Variants in TRIM2 observed in about 807,000 individuals in gnomAD.
TRIM2 encodes tripartite motif-containing protein 2.
TRIM2 carries 20 observed loss-of-function variants against 75.2 expected under a neutral mutation model. The ratio of observed to expected loss-of-function variants is 0.27; its 90% confidence interval spans 0.19 to 0.39. TRIM2 has a LOEUF of 0.39. TRIM2 is among the 10% of genes least tolerant of loss of function. The pLI is 1.00. For synonymous variants in TRIM2, 373 were observed against 388.3 expected, an observed-to-expected ratio of 0.96 and a Z score of 0.46; for missense variants, 660 against 990.8, an observed-to-expected ratio of 0.67 and a Z score of 4.48.
Position 153,337,852 on chromosome 4 carries a change from G to A in TRIM2, c.*2886G>A, listed in dbSNP as rs944298431. 5.4e-5 allele frequency: 53 copies of A among 985,630 alleles called. No homozygotes were observed. Among genetic ancestry groups the A allele is most frequent in the Admixed American group, 1.2e-4 (2 of 16,258 alleles). The allele number at this position is 985,630 out of a possible 1,614,324, so 61.1% of individuals were successfully genotyped here. A position where few individuals can be genotyped will look rare whatever the true frequency, so the allele number is the denominator to read the frequency against. On this transcript the variant is annotated 3_prime_UTR_variant, in exon 12 of 12. Coordinates refer to ENST00000338700, the MANE Select transcript of TRIM2 (RefSeq NM_015271.5). ...TGGGCACGTAAGGCAAAATATTGCCGGTTGGGATTTCAAGGTCAGTGACGA... is the reference window on the plus strand; with the variant it reads ...TGGGCACGTAAGGCAAAATATTGCCAGTTGGGATTTCAAGGTCAGTGACGA...
intron 1 of TRIM2, among the ~76,000 whole-genome samples, chr4:153,267,613 T>A (rs951310419): frequency 6.6e-6 from 1 of 152,072 alleles, no homozygotes; most frequent in African/African-American, 2.4e-5. Context: ...ATCGCGCCAC[T>A]GCACTCCAGC....
At chr4:153,203,720 C>T (rs1352096980), upstream of TRIM2, among the ~76,000 whole-genome samples, 1 of 152,048 alleles carries the variant, frequency 6.6e-6, no homozygotes, top group East Asian at 1.9e-4. Flanking sequence ...GGCGAAACCC[C>T]GTCTCTACTA....
chr4:153,210,846 A>T (rs1579590857), intron 1 of TRIM2, among the ~76,000 whole-genome samples: 1 of 152,144 alleles, frequency 6.6e-6, no homozygotes, highest in Non-Finnish European at 1.5e-5. Flanking sequence ...GGCAGCAGTG[A>T]CCCTAGAAGC....
rs747440517 is a variant in TRIM2, at chr4:153,295,348, G to A, written c.822G>A (p.Gly274=). The A allele has an allele frequency of 6.2e-7, 1 of 1,611,866 alleles. No homozygotes were observed. The highest frequency in any genetic ancestry group is 1.7e-5 in the Admixed American group (1 of 59,760). ...CGCAGCTGGATACTCTGCTCCAGGG[G>A]CAGGAGAGCATTAAGAGCTGCAGCA... The part of the protein sequence containing the change: ...LQSQLDTLLQ[G]QESIKSCSNF... The change falls in exon 6 of 12, where the codon GGG becomes GGA. Residue 274 remains glycine, a synonymous_variant. Coordinates refer to ENST00000338700, the MANE Select transcript of TRIM2 (RefSeq NM_015271.5). The surrounding 1 kb of genome is among the most constrained non-coding windows in gnomAD (Gnocchi z 7.2).
chr4:153,162,950 G>C (rs944786055), intron 1 of TRIM2, among the ~76,000 whole-genome samples: 16 of 152,174 alleles, frequency 1.1e-4, no homozygotes, highest in Non-Finnish European at 2.9e-5. Flanking sequence ...CCAGAACTGA[G>C]GGTGAAAAGG....
At chr4:153,320,963 C>T (rs1206705914) in intron 8 of TRIM2, among the ~76,000 whole-genome samples, 1 of 152,168 alleles carries the variant, frequency 6.6e-6, no homozygotes, top group African/African-American at 2.4e-5. Context: ...CATAGATCTG[C>T]TTCCCTCCAA....
intron 2 of TRIM2, among the ~76,000 whole-genome samples, chr4:153,272,002 G>C (rs1476764824): frequency 1.3e-5 from 2 of 152,120 alleles, no homozygotes; most frequent in Non-Finnish European, 2.9e-5. Context: ...ATCTTCTTTG[G>C]GGATCTAGCC....
At chr4:153,288,951 C>T (rs1761265463) in intron 3 of TRIM2, among the ~76,000 whole-genome samples, 1 of 152,040 alleles carries the variant, frequency 6.6e-6, no homozygotes, top group African/African-American at 2.4e-5. Context: ...ATTCTTATCT[C>T]TCTATTAATA....
chr4:153,229,220 TG>T (rs1742961082), intron 1 of TRIM2, among the ~76,000 whole-genome samples: 2 of 152,352 alleles, frequency 1.3e-5, no homozygotes, highest in East Asian at 3.9e-4. Context: ...CCACATATAT[TG>T]TTTCACTTAA....
chr4:153,283,323 T>C (rs1211437195), intron 3 of TRIM2, among the ~76,000 whole-genome samples: 4 of 152,186 alleles, frequency 2.6e-5, no homozygotes, highest in Non-Finnish European at 5.9e-5. Flanking sequence ...ATATGTGAGT[T>C]TTAGAGTCTG....
chr4:153,276,023 G>C lies in TRIM2; in HGVS notation c.346G>C (p.Val116Leu), dbSNP rs763365056. Residue 116 changes from valine to leucine, a missense_variant, in exon 3 of 12, where the codon GTG becomes CTG. Coordinates refer to ENST00000338700, the MANE Select transcript of TRIM2 (RefSeq NM_015271.5). ...NNFFITNLMDVLQRTPGSNAE... is the reference protein window; with the variant it reads ...NNFFITNLMDLLQRTPGSNAE... ...TTTCTTCATCACAAACCTGATGGAC[G>C]TGCTGCAGCGAACTCCAGGCAGCAA... 1 of 1,614,072 alleles carries C rather than the reference G, an allele frequency of 6.2e-7. No individual in the cohort carries two copies.
At chr4:153,307,744 C>T (rs776725806) in intron 6 of TRIM2, 2 of 646,186 alleles carry the variant, frequency 3.1e-6, no homozygotes, top group Non-Finnish European at 2.9e-6. Context: ...TTTCTGGACG[C>T]TCGTGCTGTG....
intron 1 of TRIM2, among the ~76,000 whole-genome samples, chr4:153,250,478 G>A (rs935537977): frequency 6.6e-6 from 1 of 152,056 alleles, no homozygotes; most frequent in African/African-American, 2.4e-5. Flanking sequence ...GCTAGAGAAG[G>A]AATATTAATG....
Position 153,204,684 on chromosome 4 carries a change from G to A in TRIM2, c.30+124G>A. On this transcript the variant is annotated intron_variant, in intron 1 of 11. Transcript: ENST00000338700. ...TGGTTTTAATTTTTTCCCTGCAGAA[G>A]AGGGAAGGAAAAGACTGGGATTTGC... 3.2e-6 allele frequency: 4 copies of A among 1,263,076 alleles called. No homozygotes were observed. The South Asian group carries it at 3.9e-5, about 12-fold the overall frequency. 78.2% of individuals were successfully genotyped at this position (1,263,076 alleles called of 1,614,324 possible).
intron 6 of TRIM2, chr4:153,308,262 C>T (rs1765466230): frequency 1.3e-6 from 2 of 1,549,896 alleles, no homozygotes; most frequent in Non-Finnish European, 1.8e-6. Flanking sequence ...CATCAGCTTG[C>T]AGAAGTCACC....
chr4:153,161,705 T>C (rs912371875), intron 1 of TRIM2, among the ~76,000 whole-genome samples: 2 of 152,340 alleles, frequency 1.3e-5, no homozygotes, highest in Admixed American at 1.3e-4. Context: ...ACAGGCCAAC[T>C]GCTACAAGGC....
intron 1 of TRIM2, among the ~76,000 whole-genome samples, chr4:153,159,250 T>C (rs1729516656): frequency 6.6e-6 from 1 of 152,036 alleles, no homozygotes; most frequent in Admixed American, 6.5e-5. Flanking sequence ...AGTGAAAGCA[T>C]TTTTATACCA....
intron 6 of TRIM2, among the ~76,000 whole-genome samples, chr4:153,298,247 GT>G (rs1459637609): frequency 6.6e-6 from 1 of 152,224 alleles, no homozygotes; most frequent in African/African-American, 2.4e-5. Context: ...TGCTGTCTTA[GT>G]TTGCTAAGGC....
rs1561016380 is a variant in TRIM2, at chr4:153,324,049, T to C, written c.1952-29T>C. ...TATGTAATCACTTTTGTTGTAGTCA[T>C]CACATATTTTTTTCCATCTTTATTG... On this transcript the variant is annotated intron_variant, in intron 9 of 11. Transcript: ENST00000338700. 7 of 1,585,706 alleles carry C rather than the reference T, an allele frequency of 4.4e-6. No individual in the cohort carries two copies. In the South Asian group the frequency reaches 7.8e-5, roughly 18 times the overall value.
Sources: gnomAD v4.1 joint callset for allele counts (sites outside exome capture counted in the v4.1 genomes callset) on GRCh38, gnomAD v4.1.1 for gene constraint, Gnocchi (gnomAD v3.1) non-coding constraint, MANE v1.5 for transcripts, NCBI Gene and HGNC (gene_info 2026-07-23, HGNC 2026-07-21) for gene names.